Variants in ADAM28 observed in about 807,000 individuals in gnomAD.
ADAM28 encodes disintegrin and metalloproteinase domain-containing protein 28.
A neutral mutation model predicts 101.2 loss-of-function variants in ADAM28; 105 were observed. The ratio of observed to expected loss-of-function variants is 1.04; its 90% CI spans 0.89 to 1.22. ADAM28 has a LOEUF of 1.22. ADAM28 is among the 50% of genes most tolerant of loss of function. ADAM28 has a pLI of 0.00. For missense variants in ADAM28, 1,028 were observed against 945.4 expected (o/e 1.09, Z -1.15); for synonymous variants, 322 against 310.6 (o/e 1.04, Z -0.39).
intron 2 of ADAM28, among the ~76,000 whole-genome samples, chr8:24,307,147 C>T (rs188936636): frequency 9.2e-5 from 14 of 152,276 alleles, no homozygotes; most frequent in African/African-American, 3.4e-4. Flanking sequence ...ACTTGATTAG[C>T]AAATACTATT....
In ADAM28 at chr8:24,355,702, C is replaced by T. The variant is rs1388668695; in HGVS notation, c.*1298C>T. The stretch of plus-strand genomic sequence containing the variant: ...GAAAGATGAAAAGAATAAAACCTGG[C>T]CTTTCAATGATGTCATGGAATTGGT... On this transcript the variant is annotated 3_prime_UTR_variant, in exon 23 of 23. Transcript: ENST00000265769. The T allele has an allele frequency of 1.3e-5, 2 of 151,942 alleles. No individual in the cohort carries two copies. Among genetic ancestry groups the T allele is most frequent in the South Asian group, 4.1e-4 (2 of 4,828 alleles). 9.4% of individuals were successfully genotyped at this position (151,942 alleles called of 1,614,324 possible).
At chr8:24,301,085 T>C (rs1354022155) in intron 2 of ADAM28, among the ~76,000 whole-genome samples, 1 of 152,210 alleles carries the variant, frequency 6.6e-6, no homozygotes, top group Non-Finnish European at 1.5e-5. Context: ...AAGATACAGA[T>C]AAATGAGACA....
chr8:24,354,140 C>T (rs1585768599), intron 22 of ADAM28, among the ~76,000 whole-genome samples: 1 of 152,088 alleles, frequency 6.6e-6, no homozygotes, highest in East Asian at 1.9e-4. Context: ...AACTCTCCTT[C>T]TGGTCCCCTA....
At chr8:24,332,787 CA>C (rs1813524363) in intron 13 of ADAM28, 38 bp downstream of exon 13, 2 of 1,084,166 alleles carry the variant, frequency 1.8e-6, no homozygotes, top group Non-Finnish European at 2.5e-6. Context: ...ATTATGATTA[CA>C]TTTTTATACA....
rs1361380423 is a variant in ADAM28, at chr8:24,358,986, C to A, written c.*4582C>A. 1 of 152,028 alleles carries A rather than the reference C, an allele frequency of 6.6e-6. No individual in the cohort carries two copies. Among genetic ancestry groups the A allele is most frequent in the Non-Finnish European group, 1.5e-5 (1 of 68,016 alleles). 9.4% of individuals were successfully genotyped at this position (152,028 alleles called of 1,614,324 possible). A position where few individuals can be genotyped will look rare whatever the true frequency, so the allele number is the denominator to read the frequency against. On this transcript the variant is annotated 3_prime_UTR_variant, in exon 23 of 23. Coordinates refer to ENST00000265769, the MANE Select transcript of ADAM28 (RefSeq NM_014265.6). Reference sequence around the variant, plus strand: ...TGACAATGTTATTTTAAAATCTGGACAAATCACAAATATAAAATACTTATT... The same window carrying A: ...TGACAATGTTATTTTAAAATCTGGAAAAATCACAAATATAAAATACTTATT...
intron 10 of ADAM28, among the ~76,000 whole-genome samples, chr8:24,328,633 TAGTC>T (rs1315520002): frequency 1.3e-5 from 2 of 151,948 alleles, no homozygotes; most frequent in African/African-American, 4.8e-5. Flanking sequence ...AATATTAACA[TAGTC>T]AGGAAAAGTT....
intron 11 of ADAM28, 86 bp downstream of exon 11, chr8:24,330,201 A>G: frequency 6.9e-7 from 1 of 1,457,126 alleles, no homozygotes; most frequent in Non-Finnish European, 9.2e-7. Flanking sequence ...CATCTTCAAC[A>G]ACGTGTTCGA....
At chr8:24,348,391 T>C (rs1815672872) in intron 18 of ADAM28, among the ~76,000 whole-genome samples, 1 of 152,034 alleles carries the variant, frequency 6.6e-6, no homozygotes, top group African/African-American at 2.4e-5. Flanking sequence ...TAACAAATAC[T>C]CCATAAACCT....
intron 13 of ADAM28, among the ~76,000 whole-genome samples, chr8:24,333,637 C>A (rs554416565): frequency 6.6e-6 from 1 of 152,142 alleles, no homozygotes; most frequent in Admixed American, 6.5e-5. Context: ...TTTCTCAGGT[C>A]GAATCTCACA....
At chr8:24,336,153 A>G in intron 14 of ADAM28, 1 of 985,614 alleles carries the variant, frequency 1.0e-6, no homozygotes, top group South Asian at 4.7e-5. Context: ...CAATAAAGAA[A>G]AGTGAAAGTT....
intron 7 of ADAM28, among the ~76,000 whole-genome samples, chr8:24,320,834 C>G (rs1021825213): frequency 6.6e-6 from 1 of 151,954 alleles, no homozygotes; most frequent in Non-Finnish European, 1.5e-5. Flanking sequence ...ACCATTAGCT[C>G]AGGCCCTAAA....
chr8:24,343,607 C>G (rs1476906278), intron 18 of ADAM28, 23 bp downstream of exon 18: 5 of 1,610,118 alleles, frequency 3.1e-6, no homozygotes, highest in Non-Finnish European at 4.2e-6. Flanking sequence ...ACACATCTAA[C>G]CTGAGAAAAT....
chr8:24,344,667 T>C (rs567677550), intron 18 of ADAM28, among the ~76,000 whole-genome samples: 2 of 152,192 alleles, frequency 1.3e-5, no homozygotes, highest in Non-Finnish European at 2.9e-5. Flanking sequence ...TACACATGTA[T>C]TTGTCATGTA....
At position 24,321,271 on chromosome 8, in the gene ADAM28, G is replaced by A. The variant is rs1386079376; in HGVS notation, c.702G>A (p.Met234Ile). 1.1e-5 allele frequency: 17 copies of A among 1,606,736 alleles called. 2 individuals are homozygous for A. In the Middle Eastern group the frequency reaches 9.9e-4, roughly 94 times the overall value. The change falls in exon 8 of 23, where the codon ATG (methionine) becomes ATA (isoleucine). Residue 234 changes from methionine (M) to isoleucine (I), a missense_variant. Coordinates refer to ENST00000265769, the MANE Select transcript of ADAM28 (RefSeq NM_014265.6). ...AGATCAGAAAGAGGGTATTTGAGAT[G>A]GCTAATTATGTCAACATGGTAAGAC... ...QDEIRKRVFEMANYVNMLYKK... is the reference protein window; with the variant it reads ...QDEIRKRVFEIANYVNMLYKK...
chr8:24,294,630 C>A (rs1807719522), intron 1 of ADAM28, among the ~76,000 whole-genome samples: 1 of 151,798 alleles, frequency 6.6e-6, no homozygotes, highest in Non-Finnish European at 1.5e-5. Context: ...CAGTTTGGCT[C>A]TTTCTGTTTG....
At chr8:24,304,253 A>G (rs1585516821) in intron 2 of ADAM28, among the ~76,000 whole-genome samples, 1 of 149,668 alleles carries the variant, frequency 6.7e-6, no homozygotes, top group South Asian at 2.2e-4. Flanking sequence ...TTTTGCAATG[A>G]TTGACTAGGT....
At chr8:24,307,647 A>G (rs74576983) in intron 2 of ADAM28, among the ~76,000 whole-genome samples, 3,514 of 152,292 alleles carry the variant, frequency 0.023, 143 homozygotes, top group African/African-American at 0.08. Context: ...GGAGCATATT[A>G]CCCATAAACC....
chr8:24,323,603 C>G (rs574596082), intron 8 of ADAM28, among the ~76,000 whole-genome samples: 3 of 151,884 alleles, frequency 2.0e-5, no homozygotes, highest in South Asian at 2.1e-4. Flanking sequence ...CCACCCCCCA[C>G]CCAAAAAAGA....
Position 24,323,840 on chromosome 8 carries a change from A to T in ADAM28, c.727A>T (p.Lys243Ter). 1 of 1,606,940 alleles carries T rather than the reference A, an allele frequency of 6.2e-7. No homozygotes were observed. The highest frequency in any genetic ancestry group is 8.5e-7 in the Non-Finnish European group (1 of 1,176,346). ...ATTTATTTTCTTTGGACAGCTTTATAAAAAGCTCAATACTCATGTGGCCTT... is the reference window on the plus strand; with the variant it reads ...ATTTATTTTCTTTGGACAGCTTTATTAAAAGCTCAATACTCATGTGGCCTT... Reference protein sequence around the residue: ...EMANYVNMLYKKLNTHVALVG... With the variant: ...EMANYVNMLY The change falls in exon 9 of 23, where the codon AAA becomes TAA. Residue 243 changes from lysine to a stop codon, truncating the protein, a stop_gained. Coordinates refer to ENST00000265769, the MANE Select transcript of ADAM28 (RefSeq NM_014265.6). LOFTEE classifies it high-confidence loss of function.
Sources: gnomAD v4.1 joint callset for allele counts (sites outside exome capture counted in the v4.1 genomes callset) on GRCh38, gnomAD v4.1.1 for gene constraint, MANE v1.5 for transcripts, NCBI Gene and HGNC (gene_info 2026-07-23, HGNC 2026-07-21) for gene names.